ZNF391: variants seen among roughly 807,000 people sequenced by gnomAD.
ZNF391 encodes zinc finger protein 391.
For missense variants in ZNF391, 375 were observed against 425.5 expected, an observed-to-expected ratio of 0.88 and a Z score of 1.04; for synonymous variants, 126 against 142.1, an observed-to-expected ratio of 0.89 and a Z score of 0.80.
intron 1 of ZNF391, among the ~76,000 whole-genome samples, chr6:27,380,113 T>C (rs976746913): frequency 6.6e-6 from 1 of 152,202 alleles, no homozygotes; most frequent in Admixed American, 6.5e-5. Context: ...CTGGGCAACA[T>C]AGTAAGATCT....
At chr6:27,398,867 C>A (rs1384955050) in intron 1 of ZNF391, among the ~76,000 whole-genome samples, 3 of 149,554 alleles carry the variant, frequency 2.0e-5, no homozygotes, top group East Asian at 1.9e-4. Flanking sequence ...TCAAAAAAAA[C>A]AAAACAAAAC....
In ZNF391 at chr6:27,376,081, A is replaced by G. The variant is rs1761413597; in HGVS notation, n.523+944A>G. Among the ~76,000 whole-genome samples, 1 of 152,142 alleles carries G rather than the reference A, an allele frequency of 6.6e-6. No individual in the cohort carries two copies. The highest frequency in any genetic ancestry group is 1.5e-5 in the Non-Finnish European group (1 of 68,028). On this transcript the variant is annotated intron_variant and non_coding_transcript_variant, in intron 1 of 2. Coordinates refer to the ZNF391 transcript ENST00000477999. The surrounding 1 kb of genome is among the most constrained non-coding windows in gnomAD (Gnocchi z 4.7). ...TATACCTGAAGTGTGAAACAGTTGT[A>G]TGTTTCCTGCCTCCAGGCCCTATTT... is the stretch of plus-strand genomic sequence containing the variant.
chr6:27,401,600 A>G lies in ZNF391; in HGVS notation c.*153A>G. 1.9e-6 allele frequency: 1 copy of G among 524,256 alleles called. No individual in the cohort carries two copies. Among genetic ancestry groups the G allele is most frequent in the Non-Finnish European group, 3.2e-6 (1 of 314,990 alleles). The allele number at this position is 524,256 out of a possible 1,614,324, so 32.5% of individuals were successfully genotyped here. On this transcript the variant is annotated 3_prime_UTR_variant, in exon 3 of 3. Coordinates refer to ENST00000244576, the MANE Select transcript of ZNF391 (RefSeq NM_001076781.3). ...AAGCTTTCATTCGTTCTTTCCATCC[A>G]TCTATCCTTCTTTCGTCTCCCCTCC...
At chr6:27,384,656 T>C (rs1315707670), upstream of ZNF391, among the ~76,000 whole-genome samples, 1 of 152,186 alleles carries the variant, frequency 6.6e-6, no homozygotes, top group Non-Finnish European at 1.5e-5. Flanking sequence ...CACACTGTTA[T>C]GTATTCTTCT....
At position 27,376,824 on chromosome 6, in the gene ZNF391, G is replaced by T. The variant is rs1047195862; in HGVS notation, n.523+1687G>T. Among the ~76,000 whole-genome samples the T allele has an allele frequency of 6.6e-5, 10 of 152,126 alleles. No homozygotes were observed. The highest frequency in any genetic ancestry group is 2.4e-4 in the African/African-American group (10 of 41,432). On this transcript the variant is annotated intron_variant and non_coding_transcript_variant, in intron 1 of 2. Coordinates refer to the ZNF391 transcript ENST00000477999. This position sits in a 1 kb window ranked among gnomAD's most constrained non-coding sequence, Gnocchi z 4.7. ...GCCGAGATTGCGCCACTGCACTCCAGCCTGGGCGACAAAGCAAGACTCCCT... is the reference window on the plus strand; with the variant it reads ...GCCGAGATTGCGCCACTGCACTCCATCCTGGGCGACAAAGCAAGACTCCCT...
At position 27,400,864 on chromosome 6, in the gene ZNF391, A is replaced by C; in HGVS notation, c.494A>C (p.Tyr165Ser). The change falls in exon 3 of 3, where the codon TAT (tyrosine) becomes TCT (serine). Residue 165 changes from tyrosine to serine, a missense_variant. Transcript: ENST00000244576. ...AGAACTCACACTGGAGAGAAACCTT[A>C]TGAATGCAATGAATGTGGAAAAGCT... The part of the protein sequence containing the change: ...HQRTHTGEKP[Y>S]ECNECGKAFS... 1 of 1,614,214 alleles carries C rather than the reference A, an allele frequency of 6.2e-7. No individual in the cohort carries two copies. Among genetic ancestry groups the C allele is most frequent in the Non-Finnish European group, 8.5e-7 (1 of 1,180,028 alleles).
At chr6:27,381,405 C>T (rs2143058) in intron 1 of ZNF391, among the ~76,000 whole-genome samples, 108,526 of 152,128 alleles carry the variant, frequency 0.71, 38,897 homozygotes, top group Middle Eastern at 0.8. Flanking sequence ...CCCCCAAGCA[C>T]CGCGCGCAGC....
At chr6:27,389,304 G>T (rs1445162126) in intron 1 of ZNF391, 3 of 455,408 alleles carry the variant, frequency 6.6e-6, no homozygotes, top group Non-Finnish European at 1.3e-5. Flanking sequence ...ATCCCTGGGA[G>T]ATGAAAAAGA....
chr6:27,379,921 C>T (rs1014906204), intron 1 of ZNF391, among the ~76,000 whole-genome samples: 2 of 152,176 alleles, frequency 1.3e-5, no homozygotes, highest in African/African-American at 4.8e-5. Flanking sequence ...TCATCCTGTC[C>T]CACCAAAGGG....
At chr6:27,396,509 G>A (rs1561812769) in intron 1 of ZNF391, among the ~76,000 whole-genome samples, 1 of 152,142 alleles carries the variant, frequency 6.6e-6, no homozygotes, top group Non-Finnish European at 1.5e-5. Context: ...CAGGTCACTT[G>A]AGCCCAAGAG....
rs778285783 is a variant in ZNF391, at chr6:27,401,243, T to C, written c.873T>C (p.Ser291=). The change falls in exon 3 of 3, where the codon TCT becomes TCC. Residue 291 remains serine (S), a synonymous_variant. Transcript: ENST00000244576. ...GGAAAGTGTTCAGTCGAAGCTCGTC[T>C]CTTACAGAACATCAGAGAATCCACA... ...ECGKVFSRSS[S]LTEHQRIHSG... is the part of the protein sequence containing the mutation. The C allele has an allele frequency of 3.7e-6, 6 of 1,613,940 alleles. No homozygotes were observed. The highest frequency in any genetic ancestry group is 5.1e-6 in the Non-Finnish European group (6 of 1,180,006).
intron 1 of ZNF391, among the ~76,000 whole-genome samples, chr6:27,382,410 T>G (rs528945205): frequency 1.3e-4 from 20 of 152,162 alleles, no homozygotes; most frequent in Non-Finnish European, 2.6e-4. Context: ...TTACAGCAGT[T>G]CTTTTACTCA....
chr6:27,384,646 C>G (rs1028762672), upstream of ZNF391, among the ~76,000 whole-genome samples: 1 of 152,090 alleles, frequency 6.6e-6, no homozygotes, highest in African/African-American at 2.4e-5. Context: ...TACATATACA[C>G]ACACTGTTAT....
At chr6:27,393,122 T>C (rs946766874) in intron 1 of ZNF391, among the ~76,000 whole-genome samples, 8 of 152,370 alleles carry the variant, frequency 5.3e-5, no homozygotes, top group South Asian at 2.1e-4. Flanking sequence ...CAGTTGTATA[T>C]ATAATGAGCT....
chr6:27,380,953 A>T (rs1397526044), intron 1 of ZNF391, among the ~76,000 whole-genome samples: 3 of 152,220 alleles, frequency 2.0e-5, no homozygotes, highest in Non-Finnish European at 4.4e-5. Flanking sequence ...CCTGAGCTAG[A>T]CATAAAGGTT....
At chr6:27,398,614 T>C (rs1048458272) in intron 1 of ZNF391, among the ~76,000 whole-genome samples, 7 of 152,164 alleles carry the variant, frequency 4.6e-5, no homozygotes, top group African/African-American at 1.7e-4. Context: ...ATCCCAGCAC[T>C]TTGGGAAGCT....
chr6:27,387,221 T>C (rs986208865), upstream of ZNF391, among the ~76,000 whole-genome samples: 1 of 152,190 alleles, frequency 6.6e-6, no homozygotes, highest in Non-Finnish European at 1.5e-5. Context: ...TTAGCAAAGA[T>C]GTGGAGAACT....
At chr6:27,397,779 A>T (rs1761861681) in intron 1 of ZNF391, among the ~76,000 whole-genome samples, 1 of 152,014 alleles carries the variant, frequency 6.6e-6, no homozygotes, top group South Asian at 2.1e-4. Context: ...ACAGGCATGC[A>T]CCACCATGCC....
intron 1 of ZNF391, among the ~76,000 whole-genome samples, chr6:27,375,675 G>C (rs1488392729): frequency 6.6e-6 from 1 of 152,116 alleles, no homozygotes; most frequent in Admixed American, 6.5e-5. Context: ...CTATTAACCA[G>C]ACTCAATGAC....
Sources: allele counts gnomAD v4.1 joint callset (sites outside exome capture counted in the v4.1 genomes callset), GRCh38; gene constraint gnomAD v4.1.1; non-coding constraint Gnocchi (gnomAD v3.1); transcripts MANE v1.5; gene names NCBI Gene and HGNC (gene_info 2026-07-23, HGNC 2026-07-21).